Variants in MACROD2 observed in about 807,000 individuals in gnomAD.
The protein encoded by MACROD2 is mono-ADP ribosylhydrolase 2, also known as ADP-ribose glycohydrolase MACROD2.
Under a neutral mutation model 70.4 loss-of-function variants are expected in MACROD2, and 36 were observed. The observed-to-expected ratio is 0.51, with a 90% CI of 0.39 to 0.68. MACROD2 has a LOEUF of 0.68. Ranked by LOEUF, MACROD2 falls within the 30% of genes least tolerant of loss-of-function variation. The probability of loss-of-function intolerance (pLI) is 0.00; values close to 1 mark genes in which losing one functional copy is unlikely to be tolerated. For missense variants in MACROD2, 496 were observed against 538.4 expected, an observed-to-expected ratio of 0.92 and a Z score of 0.78; for synonymous variants, 172 against 178.8, an observed-to-expected ratio of 0.96 and a Z score of 0.30.
intron 3 of MACROD2, among the ~76,000 whole-genome samples, chr20:14,455,649 TA>T (rs1307151488): frequency 2.0e-5 from 3 of 151,846 alleles, no homozygotes; most frequent in African/African-American, 7.3e-5. Flanking sequence ...GTCTACTTTC[TA>T]AGCAATAGAA....
intron 2 of MACROD2, 56 bp from the exon 3 acceptor site, chr20:14,085,565 C>A: frequency 1.9e-6 from 2 of 1,045,062 alleles, no homozygotes; most frequent in Non-Finnish European, 2.6e-6. Context: ...AAAAAATTAT[C>A]TCGATTAAGT....
Position 14,459,170 on chromosome 20 carries a change from T to A in MACROD2, c.272-34309T>A, listed in dbSNP as rs531722401. 2.2e-4 allele frequency among the ~76,000 whole-genome samples: 30 copies of A among 138,778 alleles called. 1 individual carries two copies. In the South Asian group the frequency reaches 7.4e-3, roughly 34 times the overall value. The allele number at this position is 138,778 out of a possible 152,430, so 91.0% of individuals were successfully genotyped here. On this transcript the variant is annotated intron_variant, in intron 3 of 17. Transcript: ENST00000684519. ...AATAAAATTTTCCATTTCCTTTAGA[T>A]GTTTCTAAAATTAGAAGTTTTAAAA...
intron 5 of MACROD2, among the ~76,000 whole-genome samples, chr20:14,822,968 G>A (rs1245112662): frequency 1.3e-5 from 2 of 151,972 alleles, no homozygotes; most frequent in Non-Finnish European, 1.5e-5. Flanking sequence ...GTGTGTTTCG[G>A]TCTTCTTCTT....
chr20:16,030,183 G>A (rs1286088728), intron 15 of MACROD2, among the ~76,000 whole-genome samples: 1 of 152,192 alleles, frequency 6.6e-6, no homozygotes, highest in African/African-American at 2.4e-5. Context: ...GGAAGTCCAA[G>A]CCCCAAAGAT....
intron 4 of MACROD2, among the ~76,000 whole-genome samples, chr20:14,538,469 A>G (rs2085392710): frequency 6.6e-6 from 1 of 152,154 alleles, no homozygotes; most frequent in East Asian, 1.9e-4. Context: ...TCAGATCACA[A>G]TACACCCCTG....
At position 14,044,149 on chromosome 20, in the gene MACROD2, G is replaced by C. The variant is rs188527874; in HGVS notation, c.164-41472G>C. Among the ~76,000 whole-genome samples the C allele has an allele frequency of 2.4e-4, 37 of 152,234 alleles. No individual in the cohort carries two copies. The East Asian group carries it at 7.0e-3, about 29-fold the overall frequency. On this transcript the variant is annotated intron_variant, in intron 2 of 17. Transcript: ENST00000684519. ...CTTCTGATGTTCGCATGTGTTCAGA[G>C]TTTTTTCCTTCTGGTGGGTTCGTGG...
chr20:16,040,429 C>A (rs1230273551), intron 15 of MACROD2, among the ~76,000 whole-genome samples: 1 of 151,884 alleles, frequency 6.6e-6, no homozygotes, highest in Non-Finnish European at 1.5e-5. Context: ...TATGGGTTTT[C>A]TAGCACTTTA....
chr20:15,960,003 GA>G (rs1443058775), intron 12 of MACROD2, among the ~76,000 whole-genome samples: 1 of 152,202 alleles, frequency 6.6e-6, no homozygotes, highest in Non-Finnish European at 1.5e-5. Flanking sequence ...GAAAGTCAGA[GA>G]ATGAGGAAAC....
rs551020762 is a variant in MACROD2, at chr20:15,923,734, T to TTCCTGTGCCTAAAACAC, written c.776-9542_776-9541insTCCTGTGCCTAAAACAC. 3.7e-3 allele frequency among the ~76,000 whole-genome samples: 559 copies of TTCCTGTGCCTAAAACAC among 152,312 alleles called. 2 individuals are homozygous for TTCCTGTGCCTAAAACAC. Among genetic ancestry groups the TTCCTGTGCCTAAAACAC allele is most frequent in the African/African-American group, 0.013 (537 of 41,562 alleles). On this transcript the variant is annotated intron_variant, in intron 10 of 17. Coordinates refer to ENST00000684519, the MANE Select transcript of MACROD2 (RefSeq NM_001351661.2). ...CCTTTAGAAGGAAAGCAGGAGATCTTAGACAAGAGCTTCCTGTGCCTAAAA... is the reference window on the plus strand; with the variant it reads ...CCTTTAGAAGGAAAGCAGGAGATCTTTCCTGTGCCTAAAACACAGACAAGAGCTTCCTGTGCCTAAAA...
At chr20:14,922,624 G>A (rs995762280) in intron 5 of MACROD2, among the ~76,000 whole-genome samples, 2 of 152,010 alleles carry the variant, frequency 1.3e-5, no homozygotes, top group South Asian at 2.1e-4. Context: ...CAGCTTTACC[G>A]AAGCCCTTGA....
At chr20:14,517,347 A>G (rs1169691339) in intron 4 of MACROD2, among the ~76,000 whole-genome samples, 1 of 152,230 alleles carries the variant, frequency 6.6e-6, no homozygotes, top group Admixed American at 6.5e-5. Context: ...ACCATGGAAT[A>G]CTGTGCAGCC....
At chr20:15,704,711 C>T (rs1259926172) in intron 8 of MACROD2, among the ~76,000 whole-genome samples, 1 of 151,950 alleles carries the variant, frequency 6.6e-6, no homozygotes, top group Non-Finnish European at 1.5e-5. Context: ...AGAAGATGGA[C>T]ATAAAATGGA....
intron 8 of MACROD2, among the ~76,000 whole-genome samples, chr20:15,544,768 C>T (rs921472521): frequency 2.8e-4 from 42 of 152,178 alleles, no homozygotes; most frequent in African/African-American, 9.7e-4. Context: ...AGGTAAATAA[C>T]AGCTATCTGG....
chr20:14,341,037 T>C (rs2083007347), intron 3 of MACROD2, among the ~76,000 whole-genome samples: 1 of 152,194 alleles, frequency 6.6e-6, no homozygotes, highest in Non-Finnish European at 1.5e-5. Flanking sequence ...CAGCTGAAAC[T>C]GACTAAAACA....
At chr20:14,322,239 G>A (rs1374276046) in intron 3 of MACROD2, among the ~76,000 whole-genome samples, 7 of 122,448 alleles carry the variant, frequency 5.7e-5, no homozygotes, top group Admixed American at 8.9e-5. Flanking sequence ...TATAGCAAGC[G>A]TAGGTAAAGA....
chr20:15,828,706 G>T (rs921695685), intron 8 of MACROD2, among the ~76,000 whole-genome samples: 1 of 152,126 alleles, frequency 6.6e-6, no homozygotes, highest in Non-Finnish European at 1.5e-5. Context: ...GTGTTTTCTG[G>T]TTTTCGTCAT....
intron 6 of MACROD2, among the ~76,000 whole-genome samples, chr20:15,348,408 T>C (rs534726345): frequency 5.4e-4 from 82 of 152,326 alleles, no homozygotes; most frequent in African/African-American, 1.9e-3. Context: ...TTTGATCTTT[T>C]CTAGCAGCAA....
chr20:14,827,925 C>T (rs1771339390), intron 5 of MACROD2, among the ~76,000 whole-genome samples: 1 of 151,968 alleles, frequency 6.6e-6, no homozygotes, highest in South Asian at 2.1e-4. Flanking sequence ...GAAAAAATTA[C>T]ATTCATGAAA....
intron 5 of MACROD2, among the ~76,000 whole-genome samples, chr20:15,173,903 C>T (rs1601175678): frequency 6.6e-6 from 1 of 152,014 alleles, no homozygotes; most frequent in Admixed American, 6.6e-5. Flanking sequence ...TCTTTCTTAC[C>T]TACATGTCTC....
Sources: gnomAD v4.1 joint callset for allele counts (sites outside exome capture counted in the v4.1 genomes callset) on GRCh38, gnomAD v4.1.1 for gene constraint, MANE v1.5 for transcripts, NCBI Gene and HGNC (gene_info 2026-07-23, HGNC 2026-07-21) for gene names.